Variants in GSE1 observed in about 807,000 individuals in gnomAD.
The protein encoded by GSE1 is Gse1 coiled-coil protein, also known as genetic suppressor element 1.
Under a neutral mutation model 112.6 loss-of-function variants are expected in GSE1, and 32 were observed. That is an observed-to-expected ratio of 0.28 (90% CI 0.21 to 0.38). GSE1 has a LOEUF of 0.38. GSE1 is among the 10% of genes least tolerant of loss of function. The probability of loss-of-function intolerance (pLI) is 1.00; values close to 1 mark genes in which losing one functional copy is unlikely to be tolerated. For missense variants in GSE1, 2,348 were observed against 1,699.2 expected, an observed-to-expected ratio of 1.38 and a Z score of -6.71; for synonymous variants, 1,115 against 735.6, an observed-to-expected ratio of 1.52 and a Z score of -8.35.
chr16:85,647,577 G>A (rs1421970412), intron 2 of GSE1, among the ~76,000 whole-genome samples: 1 of 152,136 alleles, frequency 6.6e-6, no homozygotes, highest in Non-Finnish European at 1.5e-5. Flanking sequence ...GCCCCGTAGA[G>A]GGGTGCTGAC....
At chr16:85,562,365 CT>C (rs1473796516) in intron 1 of GSE1, among the ~76,000 whole-genome samples, 2 of 151,900 alleles carry the variant, frequency 1.3e-5, no homozygotes, top group Admixed American at 6.6e-5. Context: ...CCCACCCCCC[CT>C]GCCCAATTTG....
chr16:85,237,092 G>A (rs565524015), intron 1 of GSE1, among the ~76,000 whole-genome samples: 2 of 152,192 alleles, frequency 1.3e-5, no homozygotes, highest in Non-Finnish European at 2.9e-5. Flanking sequence ...TTGGGAGGCC[G>A]AAGTGGGTGA....
Position 85,661,427 on chromosome 16 carries a change from G to A in GSE1, c.1922G>A (p.Arg641His), listed in dbSNP as rs376656298. Reference sequence around the variant, plus strand: ...AAAGCAGAGGAGGGGCCACGGAAGCGTGAGCCTGCCCCTCTGGACAAGTAC... The same window carrying A: ...AAAGCAGAGGAGGGGCCACGGAAGCATGAGCCTGCCCCTCTGGACAAGTAC... ...PEKAEEGPRK[R>H]EPAPLDKYQP... Residue 641 changes from arginine (R) to histidine (H), a missense_variant, in exon 9 of 16, where the codon CGT becomes CAT. By Grantham distance (29) the Arg-to-His change is conservative (BLOSUM62 0). Transcript: ENST00000253458. 2.4e-5 allele frequency: 39 copies of A among 1,612,008 alleles called. No individual in the cohort carries two copies. Among genetic ancestry groups the A allele is most frequent in the Non-Finnish European group, 3.1e-5 (36 of 1,179,642 alleles).
intron 2 of GSE1, among the ~76,000 whole-genome samples, chr16:85,489,325 C>G (rs1421695069): frequency 6.6e-6 from 1 of 152,026 alleles, no homozygotes; most frequent in African/African-American, 2.4e-5. Flanking sequence ...GTCCCTGCCA[C>G]CAAGATGCAA....
intron 1 of GSE1, among the ~76,000 whole-genome samples, chr16:85,353,866 C>T (rs1567707541): frequency 6.6e-6 from 1 of 152,240 alleles, no homozygotes; most frequent in African/African-American, 2.4e-5. Context: ...GTTCCAACCT[C>T]CTGTCCTAGA....
At chr16:85,275,220 G>A (rs542674305) in intron 1 of GSE1, among the ~76,000 whole-genome samples, 91 of 152,296 alleles carry the variant, frequency 6.0e-4, no homozygotes, top group African/African-American at 2.1e-3. Flanking sequence ...AGAGGCCTCC[G>A]AACTGGAGGA....
rs922345534 is a variant in GSE1 at position 85,362,938 on chromosome 16, C to T, written c.2464+5295C>T. 5.4e-5 allele frequency among the ~76,000 whole-genome samples: 8 copies of T among 148,906 alleles called. No individual in the cohort carries two copies. In the East Asian group the frequency reaches 1.4e-3, roughly 26 times the overall value. On this transcript the variant is annotated intron_variant, in intron 2 of 2. Coordinates refer to the GSE1 transcript ENST00000637419. ...GCAAACTCTGCCTCCCAGGCTCAAG[C>T]AATTCTCCCACCTCAGCCTCCCGAG...
exon 1 of GSE1, chr16:85,170,504 C>G (rs1233902545): frequency 1.0e-6 from 1 of 985,712 alleles, no homozygotes; most frequent in South Asian, 4.7e-5. Flanking sequence ...ATCAACATCA[C>G]CAGTGGGGAA....
At chr16:85,286,803 C>T (rs2045041956) in intron 1 of GSE1, among the ~76,000 whole-genome samples, 1 of 151,762 alleles carries the variant, frequency 6.6e-6, no homozygotes, top group South Asian at 2.1e-4. Flanking sequence ...TTCGTATGAT[C>T]AGCGAGTGGG....
intron 1 of GSE1, among the ~76,000 whole-genome samples, chr16:85,315,572 A>G (rs772786859): frequency 1.6e-4 from 24 of 151,996 alleles, no homozygotes; most frequent in Non-Finnish European, 3.4e-4. Flanking sequence ...TGATGGGGAC[A>G]AGAGTAACCA....
intron 1 of GSE1, among the ~76,000 whole-genome samples, chr16:85,246,774 C>T (rs1429582655): frequency 6.6e-6 from 1 of 152,090 alleles, no homozygotes; most frequent in Admixed American, 6.5e-5. Context: ...TGGGCACCCT[C>T]TGGGGGAGCC....
At chr16:85,659,075 A>G (rs571243171) in intron 8 of GSE1, among the ~76,000 whole-genome samples, 4 of 152,340 alleles carry the variant, frequency 2.6e-5, no homozygotes, top group Middle Eastern at 3.4e-3. Context: ...ATTCTCCTGC[A>G]GGTTTCATTC....
At chr16:85,616,962 G>A (rs2048409553) in intron 1 of GSE1, among the ~76,000 whole-genome samples, 1 of 152,166 alleles carries the variant, frequency 6.6e-6, no homozygotes. Flanking sequence ...GCACACTCGG[G>A]GGCCTTTTAA....
At chr16:85,291,591 A>G (rs1271336984) in intron 1 of GSE1, among the ~76,000 whole-genome samples, 1 of 152,140 alleles carries the variant, frequency 6.6e-6, no homozygotes, top group Non-Finnish European at 1.5e-5. Flanking sequence ...GTGTGTGGCC[A>G]CCGCCTGGTA....
intron 1 of GSE1, among the ~76,000 whole-genome samples, chr16:85,604,251 A>C (rs2047587193): frequency 6.6e-6 from 1 of 152,192 alleles, no homozygotes; most frequent in Non-Finnish European, 1.5e-5. Context: ...CATTTCATAC[A>C]AATGGAATCC....
intron 1 of GSE1, among the ~76,000 whole-genome samples, chr16:85,236,982 A>C (rs933186782): frequency 6.6e-6 from 1 of 152,160 alleles, no homozygotes; most frequent in Non-Finnish European, 1.5e-5. Context: ...CACCACCCCA[A>C]GGGTTTCCAT....
intron 1 of GSE1, among the ~76,000 whole-genome samples, chr16:85,628,015 T>C (rs2049224003): frequency 6.6e-6 from 1 of 151,960 alleles, no homozygotes; most frequent in African/African-American, 2.4e-5. Context: ...CTTGAAGTGA[T>C]CCCCACCAGG....
chr16:85,331,509 G>GTA (rs1491083570), intron 1 of GSE1, among the ~76,000 whole-genome samples: 1 of 115,174 alleles, frequency 8.7e-6, no homozygotes, highest in Non-Finnish European at 1.9e-5. Flanking sequence ...GTGTATATAT[G>GTA]TATATATGTG....
intron 2 of GSE1, among the ~76,000 whole-genome samples, chr16:85,637,130 T>C (rs996132332): frequency 3.9e-5 from 6 of 152,216 alleles, no homozygotes; most frequent in Non-Finnish European, 7.3e-5. Context: ...TCTAGAACAT[T>C]TGGGTCACCC....
Sources: gnomAD v4.1 joint callset for allele counts (sites outside exome capture counted in the v4.1 genomes callset) on GRCh38, gnomAD v4.1.1 for gene constraint, MANE v1.5 for transcripts, NCBI Gene and HGNC (gene_info 2026-07-23, HGNC 2026-07-21) for gene names.